CCSER1: variants seen among roughly 807,000 people sequenced by gnomAD.
CCSER1 encodes serine-rich coiled-coil domain-containing protein 1.
Under a neutral mutation model 82.0 loss-of-function variants are expected in CCSER1, and 41 were observed. The ratio of observed to expected loss-of-function variants is 0.50; its 90% CI spans 0.39 to 0.65. The LOEUF (loss-of-function observed/expected upper bound fraction) is 0.65. Among genes scored for constraint, CCSER1 ranks in the 30% least tolerant of loss-of-function variants. CCSER1 has a pLI of 0.00. For synonymous variants in CCSER1, 414 were observed against 383.9 expected (o/e 1.08, Z -0.92); for missense variants, 1,119 against 1,064.2 (o/e 1.05, Z -0.72).
chr4:90,271,463 A>G (rs376284497), intron 1 of CCSER1, among the ~76,000 whole-genome samples: 4 of 152,098 alleles, frequency 2.6e-5, no homozygotes, highest in Admixed American at 6.6e-5. Context: ...CTAGACTGCT[A>G]TCTCTTACCA....
chr4:91,399,014 T>C (rs1752160592), intron 10 of CCSER1, among the ~76,000 whole-genome samples: 1 of 151,874 alleles, frequency 6.6e-6, no homozygotes, highest in African/African-American at 2.4e-5. Context: ...ATTTTTGGAA[T>C]GTAGGAAAAC....
rs1751687463 is a variant in CCSER1 at position 90,394,543 on chromosome 4, C to G, written c.1510-5493C>G. On this transcript the variant is annotated intron_variant, in intron 3 of 10. Coordinates refer to ENST00000509176, the MANE Select transcript of CCSER1 (RefSeq NM_001145065.2). ...TTTGTTAATAATTAGCATTTCCTTA[C>G]AGTTAAACAAACTCTTCTAAAAATA... is the stretch of plus-strand genomic sequence containing the variant. Among the ~76,000 whole-genome samples, 2 of 152,126 alleles carry G rather than the reference C, an allele frequency of 1.3e-5. 1 individual carries two copies. Among genetic ancestry groups the G allele is most frequent in the South Asian group, 4.1e-4 (2 of 4,826 alleles).
chr4:90,148,034 G>A (rs967443914), intron 1 of CCSER1, among the ~76,000 whole-genome samples: 3 of 152,060 alleles, frequency 2.0e-5, no homozygotes, highest in African/African-American at 7.2e-5. Context: ...GCATGGTAAC[G>A]CTTGCTTGTA....
intron 3 of CCSER1, among the ~76,000 whole-genome samples, chr4:90,390,760 A>ATCTTTTTGGTAGAATTATTTATTT (rs1162838076): frequency 1.3e-5 from 2 of 152,166 alleles, no homozygotes; most frequent in Admixed American, 6.6e-5. Context: ...AAGTGTATAT[A>ATCTTTTTGGTAGAATTATTTATTT]TCTTTTTGGT....
rs913249588 is a variant in CCSER1, at chr4:90,889,252, G to A, written c.2095-34118G>A. On this transcript the variant is annotated intron_variant, in intron 8 of 10. Coordinates refer to ENST00000509176, the MANE Select transcript of CCSER1 (RefSeq NM_001145065.2). Reference sequence around the variant, plus strand: ...TTACTCTCAAAATACAGAGAATCTCGGAACCTGCCAAGTTATAGAATTAAA... The same window carrying A: ...TTACTCTCAAAATACAGAGAATCTCAGAACCTGCCAAGTTATAGAATTAAA... Among the ~76,000 whole-genome samples, 9 of 152,012 alleles carry A rather than the reference G, an allele frequency of 5.9e-5. No individual in the cohort carries two copies. In the East Asian group the frequency reaches 7.7e-4, roughly 13 times the overall value.
chr4:90,654,266 G>A (rs1729305193), intron 6 of CCSER1, among the ~76,000 whole-genome samples: 1 of 151,968 alleles, frequency 6.6e-6, no homozygotes, highest in South Asian at 2.1e-4. Context: ...TTTTTCAAGG[G>A]CTAATATTAA....
chr4:90,870,668 T>A (rs1261280877), intron 8 of CCSER1, among the ~76,000 whole-genome samples: 2 of 151,738 alleles, frequency 1.3e-5, no homozygotes, highest in East Asian at 3.9e-4. Flanking sequence ...TGTCTTTGTC[T>A]GGTTTGGTAT....
chr4:90,867,553 A>T (rs780714057), intron 8 of CCSER1, among the ~76,000 whole-genome samples: 22 of 151,896 alleles, frequency 1.4e-4, no homozygotes, highest in Admixed American at 1.4e-3. Flanking sequence ...TTCCAATTAT[A>T]TTCTTTTAGT....
chr4:91,061,398 C>T (rs1203826626), intron 9 of CCSER1, among the ~76,000 whole-genome samples: 2 of 151,902 alleles, frequency 1.3e-5, no homozygotes, highest in African/African-American at 4.8e-5. Context: ...GGTCCACTTC[C>T]CTAAGATTTT....
chr4:90,275,844 G>A (rs537536528), intron 1 of CCSER1, among the ~76,000 whole-genome samples: 28 of 152,226 alleles, frequency 1.8e-4, no homozygotes, highest in African/African-American at 6.7e-4. Context: ...ATGTCAAAAT[G>A]ATCTGTAAGG....
Position 90,378,307 on chromosome 4 carries a change from T to C in CCSER1, c.1510-21729T>C, listed in dbSNP as rs183822492. 1.5e-3 allele frequency among the ~76,000 whole-genome samples: 223 copies of C among 152,280 alleles called. 1 individual carries two copies. Among genetic ancestry groups the C allele is most frequent in the Admixed American group, 3.4e-3 (52 of 15,282 alleles). ...TTGTAAAATACTTTATAGTTTTCTG[T>C]CAGAATTTTATGTTAACAACAAATG... On this transcript the variant is annotated intron_variant, in intron 3 of 10. Coordinates refer to ENST00000509176, the MANE Select transcript of CCSER1 (RefSeq NM_001145065.2).
intron 10 of CCSER1, among the ~76,000 whole-genome samples, chr4:91,485,228 T>G (rs557574468): frequency 6.6e-6 from 1 of 152,284 alleles, no homozygotes; most frequent in East Asian, 1.9e-4. Flanking sequence ...ATTTCTTAAA[T>G]ATCATTTTCA....
In CCSER1 at chr4:90,786,914, G is replaced by A. The variant is rs138274909; in HGVS notation, c.2011-28848G>A. On this transcript the variant is annotated intron_variant, in intron 7 of 10. Transcript: ENST00000509176. ...TCTGAGTGACCAGCTTCAAGCTGAG[G>A]TTTCTATAACCCCCTTTTTGTGTTG... Among the ~76,000 whole-genome samples the A allele has an allele frequency of 6.2e-4, 95 of 152,316 alleles. 1 individual carries two copies. In the East Asian group the frequency reaches 0.011, roughly 18 times the overall value.
intron 10 of CCSER1, among the ~76,000 whole-genome samples, chr4:91,222,619 GT>G (rs1204506815): frequency 2.0e-5 from 3 of 152,014 alleles, no homozygotes; most frequent in Non-Finnish European, 2.9e-5. Context: ...AAATTACTGG[GT>G]TTTTTTAGTA....
chr4:91,574,563 T>TA (rs1763348783), intron 10 of CCSER1, among the ~76,000 whole-genome samples: 1 of 151,962 alleles, frequency 6.6e-6, no homozygotes, highest in South Asian at 2.1e-4. Context: ...TACACAGATG[T>TA]AAAAAAGAAT....
intron 1 of CCSER1, among the ~76,000 whole-genome samples, chr4:90,191,203 T>A (rs1375525519): frequency 2.0e-5 from 3 of 151,934 alleles, no homozygotes; most frequent in Non-Finnish European, 2.9e-5. Flanking sequence ...GAGAAGAGAT[T>A]GACAGATGCT....
intron 10 of CCSER1, among the ~76,000 whole-genome samples, chr4:91,508,893 T>C (rs1759675711): frequency 6.6e-6 from 1 of 151,976 alleles, no homozygotes; most frequent in Non-Finnish European, 1.5e-5. Flanking sequence ...TTCATAATAT[T>C]TCCCCTTGAT....
At chr4:90,916,341 GC>G (rs1459005386) in intron 8 of CCSER1, among the ~76,000 whole-genome samples, 2 of 152,024 alleles carry the variant, frequency 1.3e-5, no homozygotes, top group African/African-American at 2.4e-5. Flanking sequence ...ACAGAACAGA[GC>G]CCTCAGATAT....
At chr4:91,236,895 G>T (rs1407465326) in intron 10 of CCSER1, among the ~76,000 whole-genome samples, 3 of 152,170 alleles carry the variant, frequency 2.0e-5, no homozygotes, top group Non-Finnish European at 4.4e-5. Context: ...GAATACTCCA[G>T]ATAATCAGCT....
Sources: allele counts gnomAD v4.1 joint callset (sites outside exome capture counted in the v4.1 genomes callset), GRCh38; gene constraint gnomAD v4.1.1; transcripts MANE v1.5; gene names NCBI Gene and HGNC (gene_info 2026-07-23, HGNC 2026-07-21).